TDRD3: variants seen among roughly 807,000 people sequenced by gnomAD.
The protein encoded by TDRD3 is tudor domain containing 3.
Under a neutral mutation model 86.7 loss-of-function variants are expected in TDRD3, and 45 were observed. The observed-to-expected ratio is 0.52, with a 90% CI of 0.41 to 0.67. The LOEUF is 0.67. TDRD3 is among the 30% of genes least tolerant of loss of function. TDRD3 has a pLI of 0.00. For missense variants in TDRD3, 814 were observed against 889.0 expected (o/e 0.92, Z 1.07); for synonymous variants, 298 against 301.7 (o/e 0.99, Z 0.13).
Position 60,485,046 on chromosome 13 carries a change from A to G in TDRD3, c.568-753A>G, listed in dbSNP as rs115131218. On this transcript the variant is annotated intron_variant, in intron 6 of 13. Transcript: ENST00000377881. ...CTTGTATAGCATCTTGCAGCCTTGT[A>G]CATGGGCTGAAGATAGGTAATGCTG... 7.1e-3 allele frequency among the ~76,000 whole-genome samples: 1,075 copies of G among 152,248 alleles called. 16 individuals are homozygous for G. The highest frequency in any genetic ancestry group is 0.025 in the African/African-American group (1,023 of 41,558).
At chr13:60,473,359 A>G (rs1334296134) in intron 5 of TDRD3, among the ~76,000 whole-genome samples, 2 of 152,240 alleles carry the variant, frequency 1.3e-5, no homozygotes, top group African/African-American at 4.8e-5. Context: ...ACATTTCAAT[A>G]TAAGTTTTGG....
intron 12 of TDRD3, chr13:60,535,739 G>A (rs1235310977): frequency 6.6e-6 from 1 of 152,078 alleles, no homozygotes; most frequent in African/African-American, 2.4e-5. Flanking sequence ...TAAATTATCT[G>A]TTTGCTAATT....
chr13:60,441,460 G>A (rs1354601915), intron 2 of TDRD3, among the ~76,000 whole-genome samples: 1 of 152,010 alleles, frequency 6.6e-6, no homozygotes, highest in Admixed American at 6.6e-5. Flanking sequence ...GTTAAATACT[G>A]CAGTCCAAAG....
chr13:60,490,256 T>A (rs1390880662), intron 7 of TDRD3, among the ~76,000 whole-genome samples: 1 of 152,122 alleles, frequency 6.6e-6, no homozygotes, highest in African/African-American at 2.4e-5. Context: ...CAATTTTAAA[T>A]ATAATAGTCT....
At chr13:60,465,139 G>A (rs1483365361) in intron 4 of TDRD3, among the ~76,000 whole-genome samples, 1 of 152,092 alleles carries the variant, frequency 6.6e-6, no homozygotes, top group Non-Finnish European at 1.5e-5. Flanking sequence ...AATTTAATCT[G>A]GTCAGACTAT....
At chr13:60,501,788 T>C (rs1286675741) in intron 8 of TDRD3, among the ~76,000 whole-genome samples, 1 of 152,242 alleles carries the variant, frequency 6.6e-6, no homozygotes, top group East Asian at 1.9e-4. Flanking sequence ...TCCTTTCTTA[T>C]ATAAAATCTC....
chr13:60,512,119 G>C (rs973791301), intron 10 of TDRD3, among the ~76,000 whole-genome samples: 1 of 152,084 alleles, frequency 6.6e-6, no homozygotes, highest in African/African-American at 2.4e-5. Context: ...CCACGTGGCT[G>C]GGGAAGCCTC....
intron 1 of TDRD3, 32 bp from the exon 2 acceptor site, chr13:60,439,656 A>G (rs1230826787): frequency 2.7e-6 from 4 of 1,487,946 alleles, no homozygotes; most frequent in Non-Finnish European, 2.7e-6. Flanking sequence ...TTGATTTTAG[A>G]TAATATTAAG....
In TDRD3 at chr13:60,528,832, G is replaced by C; in HGVS notation, c.1607G>C (p.Arg536Thr). 1 of 1,613,736 alleles carries C rather than the reference G, an allele frequency of 6.2e-7. No individual in the cohort carries two copies. Among genetic ancestry groups the C allele is most frequent in the Non-Finnish European group, 8.5e-7 (1 of 1,179,872 alleles). The change falls in exon 11 of 14, where the codon AGA becomes ACA. Residue 536 changes from arginine (R) to threonine (T), a missense_variant. Arg to Thr is a moderately conservative substitution (Grantham distance 71, BLOSUM62 -1). Coordinates refer to ENST00000377881, the MANE Select transcript of TDRD3 (RefSeq NM_001146070.2). ...TATAATAATCAAAAACGTGGAAAAA[G>C]AGAAAGCCAAACATCTATTCCTGAT... ...VDYNNQKRGK[R>T]ESQTSIPDYF...
chr13:60,545,074 G>A (rs989261793), intron 12 of TDRD3, among the ~76,000 whole-genome samples: 7 of 152,016 alleles, frequency 4.6e-5, no homozygotes, highest in Admixed American at 6.6e-5. Context: ...AGTTCTTTTT[G>A]TACCAAAGCT....
chr13:60,526,266 C>A (rs1238939488), intron 10 of TDRD3, among the ~76,000 whole-genome samples: 1 of 152,144 alleles, frequency 6.6e-6, no homozygotes, highest in African/African-American at 2.4e-5. Flanking sequence ...CTCTGTTAAG[C>A]CTCATAACAC....
chr13:60,547,947 G>C (rs1206620949), intron 12 of TDRD3, among the ~76,000 whole-genome samples: 1 of 152,256 alleles, frequency 6.6e-6, no homozygotes, highest in East Asian at 1.9e-4. Flanking sequence ...TGAGGAGAAA[G>C]ATTTTGGCAG....
intron 6 of TDRD3, chr13:60,484,654 G>T: frequency 4.5e-6 from 2 of 442,582 alleles, no homozygotes; most frequent in South Asian, 3.3e-5. Flanking sequence ...CTATTTTGAA[G>T]CATTTAAAAA....
chr13:60,522,584 C>G (rs545990460), intron 10 of TDRD3, among the ~76,000 whole-genome samples: 1 of 152,274 alleles, frequency 6.6e-6, no homozygotes, highest in African/African-American at 2.4e-5. Flanking sequence ...CCTAAGGTTA[C>G]AGAACTAGTA....
rs118011248 is a variant in TDRD3, at chr13:60,486,082, A to G, written c.717+134A>G. On this transcript the variant is annotated intron_variant, in intron 7 of 13. Coordinates refer to ENST00000377881, the MANE Select transcript of TDRD3 (RefSeq NM_001146070.2). Reference sequence around the variant, plus strand: ...TAACCTTATTCTTCTTGCATATTCCATAACTGGGAATGCCCTGCCACTTCA... The same window carrying G: ...TAACCTTATTCTTCTTGCATATTCCGTAACTGGGAATGCCCTGCCACTTCA... 5,885 of 832,826 alleles carry G rather than the reference A, an allele frequency of 7.1e-3. 31 individuals are homozygous for G. The highest frequency in any genetic ancestry group is 0.019 in the Middle Eastern group (49 of 2,632). 51.6% of individuals were successfully genotyped at this position (832,826 alleles called of 1,614,324 possible). A position where few individuals can be genotyped will look rare whatever the true frequency, so the allele number is the denominator to read the frequency against.
At chr13:60,417,488 C>T (rs1456208771) in intron 1 of TDRD3, among the ~76,000 whole-genome samples, 2 of 151,524 alleles carry the variant, frequency 1.3e-5, no homozygotes, top group Non-Finnish European at 1.5e-5. Flanking sequence ...ATTACAGGCT[C>T]CTGCCACCAT....
chr13:60,426,459 T>C (rs1264602473), intron 1 of TDRD3, among the ~76,000 whole-genome samples: 2 of 152,344 alleles, frequency 1.3e-5, no homozygotes, highest in East Asian at 3.9e-4. Context: ...ATGATAGATA[T>C]GTTAATAAGC....
intron 12 of TDRD3, among the ~76,000 whole-genome samples, chr13:60,551,823 G>A (rs1218944892): frequency 6.6e-6 from 1 of 152,120 alleles, no homozygotes; most frequent in African/African-American, 2.4e-5. Flanking sequence ...CCTTCTTCAT[G>A]AGGCAGCAGG....
chr13:60,478,062 G>A (rs930132445), intron 5 of TDRD3, among the ~76,000 whole-genome samples: 2 of 151,866 alleles, frequency 1.3e-5, no homozygotes, highest in African/African-American at 4.8e-5. Flanking sequence ...ACTTGTTATT[G>A]GTCTGGTCAG....
Sources: gnomAD v4.1 joint callset for allele counts (sites outside exome capture counted in the v4.1 genomes callset) on GRCh38, gnomAD v4.1.1 for gene constraint, MANE v1.5 for transcripts, NCBI Gene and HGNC (gene_info 2026-07-23, HGNC 2026-07-21) for gene names.